SBNO2: variants seen among roughly 807,000 people sequenced by gnomAD.
SBNO2 encodes the protein strawberry notch homolog 2.
Under a neutral mutation model 146.3 loss-of-function variants are expected in SBNO2, and 89 were observed. The ratio of observed to expected loss-of-function variants is 0.61; its 90% confidence interval spans 0.51 to 0.73. The LOEUF (loss-of-function observed/expected upper bound fraction) is 0.73, where lower values mean the gene tolerates loss of function less well. SBNO2 is among the 30% of genes least tolerant of loss of function. The pLI, the probability that SBNO2 is intolerant of heterozygous loss-of-function variation, is 0.00. For synonymous variants in SBNO2, 1,147 were observed against 892.6 expected (o/e 1.29, Z -5.08); for missense variants, 2,092 against 2,003.7 (o/e 1.04, Z -0.84).
At chr19:1,154,064 G>A (rs1331538259) in intron 2 of SBNO2, 120 bp downstream of exon 2, 1 of 451,444 alleles carries the variant, frequency 2.2e-6, no homozygotes, top group Non-Finnish European at 3.6e-6. Context: ...AGGAAGGTCA[G>A]GTGGAGATCA....
intron 1 of SBNO2, among the ~76,000 whole-genome samples, chr19:1,154,708 CTG>C (rs2080273485): frequency 6.6e-6 from 1 of 152,234 alleles, no homozygotes; most frequent in African/African-American, 2.4e-5. Flanking sequence ...GGCACCCAGA[CTG>C]TGAGCAGTGG....
chr19:1,108,804 C>A lies in SBNO2; in HGVS notation c.3591G>T (p.Lys1197Asn). 1.2e-6 allele frequency: 2 copies of A among 1,603,284 alleles called. No homozygotes were observed. The highest frequency in any genetic ancestry group is 1.7e-6 in the Non-Finnish European group (2 of 1,179,038). The stretch of plus-strand genomic sequence containing the variant: ...CCACTTGCTTCTTCCTGTCCTTGGT[C>A]TTCAGCCGCACGATCTGCAGGTAGC... The part of the protein sequence containing the change: ...SSSYLQIVRL[K>N]TKDRKKQVGI... The change falls in exon 31 of 32, where the codon AAG becomes AAT. Residue 1197 changes from lysine (K) to asparagine (N), a missense_variant. By Grantham distance (94) the Lys-to-Asn change is moderately conservative. Transcript: ENST00000361757.
rs766053622 is a variant in SBNO2 at position 1,110,972 on chromosome 19, G to C, written c.2884+47C>G. Reference sequence around the variant, plus strand: ...TCACCACCCGAGGCCAAGGTTGCATGAGATGAGAGACAGGAGCGCCTCTGG... The same window carrying C: ...TCACCACCCGAGGCCAAGGTTGCATCAGATGAGAGACAGGAGCGCCTCTGG... On this transcript the variant is annotated intron_variant, in intron 25 of 31. Transcript: ENST00000361757. This position sits in a 1 kb window ranked among gnomAD's most constrained non-coding sequence, Gnocchi z 4.9. The C allele has an allele frequency of 6.2e-7, 1 of 1,609,760 alleles. No individual in the cohort carries two copies. Among genetic ancestry groups the C allele is most frequent in the Non-Finnish European group, 8.5e-7 (1 of 1,177,914 alleles).
In SBNO2 at chr19:1,108,305, G is replaced by T. The variant is rs777874182; in HGVS notation, c.4016C>A (p.Ala1339Glu). 2.3e-6 allele frequency: 3 copies of T among 1,297,932 alleles called. No individual in the cohort carries two copies. In the South Asian group the frequency reaches 4.0e-5, roughly 17 times the overall value. 80.4% of individuals were successfully genotyped at this position (1,297,932 alleles called of 1,614,324 possible). ...GGGACCACCGCCCGCCGCGCCCCCC[G>T]CCCCCGCGCCCTCCCCCAGCGCGCC... The part of the protein sequence containing the change: ...SEGALGEGAG[A>E]GGAAGGGPER... Residue 1339 changes from alanine to glutamate, a missense_variant, in exon 32 of 32, where the codon GCG becomes GAG. Ala to Glu is a moderately radical substitution (Grantham distance 107, BLOSUM62 -1). Coordinates refer to ENST00000361757, the MANE Select transcript of SBNO2 (RefSeq NM_014963.3).
intron 2 of SBNO2, 72 bp downstream of exon 2, chr19:1,154,112 C>A: frequency 4.1e-6 from 3 of 727,820 alleles, no homozygotes. Flanking sequence ...CACGACGTGA[C>A]CCCGGGCACT....
rs749744087 is a variant in SBNO2 at position 1,108,846 on chromosome 19, G to A, written c.3549C>T (p.Ala1183=). The A allele has an allele frequency of 5.1e-5, 82 of 1,598,828 alleles. No homozygotes were observed. In the South Asian group the frequency reaches 7.8e-4, roughly 15 times the overall value. Residue 1183 remains alanine (A), a synonymous_variant, in exon 31 of 32, where the codon GCC becomes GCT. Coordinates refer to ENST00000361757, the MANE Select transcript of SBNO2 (RefSeq NM_014963.3). ...RVWGRIAAVM[A]DVSSSSYLQI... The stretch of plus-strand genomic sequence containing the variant: ...GCAGGTAGCTGCTGCTGCTGACGTC[G>A]GCCATGACGGCGGCGATGCGGCCCC...
At position 1,143,697 on chromosome 19, in the gene SBNO2, T is replaced by C. The variant is rs527929493; in HGVS notation, c.279+3612A>G. On this transcript the variant is annotated intron_variant, in intron 4 of 31. Transcript: ENST00000361757. The stretch of plus-strand genomic sequence containing the variant: ...AGAGCGCAGGCTCTTCCCGTCTCTC[T>C]CTGGCTCTCACCCTCCCGCCTCCTC... 2.0e-5 allele frequency among the ~76,000 whole-genome samples: 3 copies of C among 152,184 alleles called. No individual in the cohort carries two copies. The East Asian group carries it at 5.8e-4, about 30-fold the overall frequency.
In SBNO2 at chr19:1,150,332, G is replaced by A. The variant is rs1568620553; in HGVS notation, c.94-890C>T. ...GCCCAGGGTCAGCACCTGCGGCTTC[G>A]GGGGCAGGGCTGTGGACACCTCGTG... On this transcript the variant is annotated intron_variant, in intron 2 of 31. Transcript: ENST00000361757. This position sits in a 1 kb window ranked among gnomAD's most constrained non-coding sequence, Gnocchi z 6.2. Among the ~76,000 whole-genome samples, 2 of 152,078 alleles carry A rather than the reference G, an allele frequency of 1.3e-5. No individual in the cohort carries two copies. Among genetic ancestry groups the A allele is most frequent in the Non-Finnish European group, 2.9e-5 (2 of 67,978 alleles).
intron 2 of SBNO2, 96 bp from the exon 3 acceptor site, chr19:1,149,538 G>C: frequency 1.7e-6 from 2 of 1,147,062 alleles, no homozygotes; most frequent in Non-Finnish European, 2.5e-6. Flanking sequence ...CGAGAGGCTA[G>C]GGAGGCCCCG....
In SBNO2 at chr19:1,109,033, C is replaced by A; in HGVS notation, c.3426-64G>T. ...CAGGGGCCCGCAGGCTCCCCAGGTG[C>A]CCTGAGATCTCCCGCCTCCTCTCAG... On this transcript the variant is annotated intron_variant, in intron 30 of 31. Transcript: ENST00000361757. This position sits in a 1 kb window ranked among gnomAD's most constrained non-coding sequence, Gnocchi z 4.2. 1 of 1,496,614 alleles carries A rather than the reference C, an allele frequency of 6.7e-7. No homozygotes were observed. Among genetic ancestry groups the A allele is most frequent in the South Asian group, 1.3e-5 (1 of 78,288 alleles). 92.7% of individuals were successfully genotyped at this position (1,496,614 alleles called of 1,614,324 possible).
At chr19:1,120,726 C>T (rs944318950) in intron 11 of SBNO2, among the ~76,000 whole-genome samples, 17 of 151,616 alleles carry the variant, frequency 1.1e-4, no homozygotes, top group African/African-American at 3.9e-4. Flanking sequence ...TGGAATGCAG[C>T]GGCGCGATCT....
intron 2 of SBNO2, among the ~76,000 whole-genome samples, chr19:1,151,213 G>C (rs922190692): frequency 6.6e-6 from 1 of 152,252 alleles, no homozygotes; most frequent in African/African-American, 2.4e-5. Context: ...AGCCTCCTCA[G>C]ATGAGCTGGA....
chr19:1,174,062 C>G (rs962765475), intron 1 of SBNO2, 110 bp downstream of exon 1: 1 of 151,164 alleles, frequency 6.6e-6, no homozygotes, highest in African/African-American at 2.4e-5. Flanking sequence ...GCCCCCAGAA[C>G]CCCCAGCCCC....
In SBNO2 at chr19:1,122,203, C is replaced by A. The variant is rs1356949495; in HGVS notation, c.1085G>T (p.Gly362Val). Residue 362 changes from glycine to valine, a missense_variant, in exon 11 of 32, where the codon GGC becomes GTC. By Grantham distance (109) the Gly-to-Val change is moderately radical (BLOSUM62 -3). Transcript: ENST00000361757. Reference protein sequence around the residue: ...YSALIGESQAGGQHRTRLRQI... With the variant: ...YSALIGESQAVGQHRTRLRQI... Reference sequence around the variant, plus strand: ...CCGGAGGCGAGTGCGGTGCTGGCCGCCGGCCTGGCTCTCCCCAATCAGGGC... The same window carrying A: ...CCGGAGGCGAGTGCGGTGCTGGCCGACGGCCTGGCTCTCCCCAATCAGGGC... 6.4e-7 allele frequency: 1 copy of A among 1,558,516 alleles called. No homozygotes were observed.
intron 4 of SBNO2, among the ~76,000 whole-genome samples, chr19:1,145,679 G>A (rs1457625267): frequency 6.6e-6 from 1 of 151,972 alleles, no homozygotes; most frequent in Non-Finnish European, 1.5e-5. Context: ...TGAAGGGTGG[G>A]GCACAGATGC....
intron 5 of SBNO2, among the ~76,000 whole-genome samples, chr19:1,125,338 G>A (rs2079952882): frequency 7.3e-6 from 1 of 136,222 alleles, no homozygotes; most frequent in South Asian, 2.4e-4. Flanking sequence ...CAGCCTGGGT[G>A]ACAGGGCGAG....
In SBNO2 at chr19:1,154,287, G is replaced by T. The variant is rs1489266540; in HGVS notation, c.-11C>A. 11 of 1,255,194 alleles carry T rather than the reference G, an allele frequency of 8.8e-6. No individual in the cohort carries two copies. Among genetic ancestry groups the T allele is most frequent in the Non-Finnish European group, 1.0e-5 (10 of 998,410 alleles). 77.8% of individuals were successfully genotyped at this position (1,255,194 alleles called of 1,614,324 possible). Reference sequence around the variant, plus strand: ...CCCCACTGCAAGCATCGGGCGGCAGGCGGGGTGGGGTCCTCGGCCGGGCAG... The same window carrying T: ...CCCCACTGCAAGCATCGGGCGGCAGTCGGGGTGGGGTCCTCGGCCGGGCAG... On this transcript the variant is annotated 5_prime_UTR_variant, in exon 2 of 32. Transcript: ENST00000361757.
In SBNO2 at chr19:1,140,305, A is replaced by G. The variant is rs996945727; in HGVS notation, c.279+7004T>C. Among the ~76,000 whole-genome samples the G allele has an allele frequency of 2.0e-5, 3 of 151,986 alleles. No homozygotes were observed. The highest frequency in any genetic ancestry group is 4.4e-5 in the Non-Finnish European group (3 of 67,918). ...ACAGAGCGAGATTTCATCTCAAAAA[A>G]AAAAAAAAAGCAGCAGCAACACAGA... On this transcript the variant is annotated intron_variant, in intron 4 of 31. Coordinates refer to ENST00000361757, the MANE Select transcript of SBNO2 (RefSeq NM_014963.3). This position sits in a 1 kb window ranked among gnomAD's most constrained non-coding sequence, Gnocchi z 4.4.
chr19:1,132,074 G>A (rs1211721073), intron 4 of SBNO2: 31 of 1,519,380 alleles, frequency 2.0e-5, no homozygotes, highest in Admixed American at 6.4e-5. Context: ...CGCCCGCCCC[G>A]GGAAGGGAGT....
Sources: allele counts gnomAD v4.1 joint callset (sites outside exome capture counted in the v4.1 genomes callset), GRCh38; gene constraint gnomAD v4.1.1; non-coding constraint Gnocchi (gnomAD v3.1); transcripts MANE v1.5; gene names NCBI Gene and HGNC (gene_info 2026-07-23, HGNC 2026-07-21).